The following SLC8A2 variants were observed in gnomAD, a reference collection of about 807,000 sequenced individuals.
SLC8A2 encodes the protein sodium/calcium exchanger 2.
A neutral mutation model predicts 70.2 loss-of-function variants in SLC8A2; 14 were observed. That is an observed-to-expected ratio of 0.20 (90% CI 0.13 to 0.31). The LOEUF (loss-of-function observed/expected upper bound fraction) is 0.31, where lower values mean the gene tolerates loss of function less well. Ranked by LOEUF, SLC8A2 falls within the 10% of genes least tolerant of loss-of-function variation. The probability of loss-of-function intolerance (pLI) is 1.00; values close to 1 mark genes in which losing one functional copy is unlikely to be tolerated. For missense variants in SLC8A2, 779 were observed against 1,320.1 expected, an observed-to-expected ratio of 0.59 and a Z score of 6.35; for synonymous variants, 575 against 594.3, an observed-to-expected ratio of 0.97 and a Z score of 0.47.
At chr19:47,453,032 CA>C (rs1486010119) in intron 3 of SLC8A2, among the ~76,000 whole-genome samples, 2 of 151,930 alleles carry the variant, frequency 1.3e-5, no homozygotes, top group African/African-American at 4.8e-5. Flanking sequence ...GATGCAGTCT[CA>C]AAAAAATAAA....
At chr19:47,440,020 C>T (rs1158762651) in intron 6 of SLC8A2, among the ~76,000 whole-genome samples, 2 of 152,152 alleles carry the variant, frequency 1.3e-5, no homozygotes, top group Non-Finnish European at 2.9e-5. Context: ...TTTGTTATAG[C>T]AGCTTGTATT....
At chr19:47,443,876 T>C (rs961387159) in intron 4 of SLC8A2, among the ~76,000 whole-genome samples, 5 of 152,120 alleles carry the variant, frequency 3.3e-5, no homozygotes, top group Admixed American at 3.3e-4. Context: ...CCGTTCTCTG[T>C]CTCAGTCTCT....
chr19:47,436,477 C>T (rs1264597612), intron 8 of SLC8A2, among the ~76,000 whole-genome samples: 1 of 152,206 alleles, frequency 6.6e-6, no homozygotes, highest in Non-Finnish European at 1.5e-5. Flanking sequence ...TTTGTTTCTA[C>T]TGGGCAAACA....
intron 2 of SLC8A2, among the ~76,000 whole-genome samples, chr19:47,458,766 C>T (rs1210692289): frequency 6.6e-6 from 1 of 151,572 alleles, no homozygotes; most frequent in African/African-American, 2.4e-5. Context: ...TTCTTTTTCT[C>T]TCTCAATACC....
At chr19:47,453,363 G>A (rs1967267423) in intron 3 of SLC8A2, among the ~76,000 whole-genome samples, 3 of 152,202 alleles carry the variant, frequency 2.0e-5, no homozygotes, top group Admixed American at 2.0e-4. Context: ...TTCAACAACT[G>A]TACATGGCAG....
chr19:47,450,861 A>G (rs1247124478), intron 3 of SLC8A2, among the ~76,000 whole-genome samples: 2 of 152,158 alleles, frequency 1.3e-5, no homozygotes, highest in Non-Finnish European at 2.9e-5. Context: ...CTGAATTGAT[A>G]CAGGGGAAGC....
intron 6 of SLC8A2, among the ~76,000 whole-genome samples, chr19:47,440,143 C>G (rs1216246907): frequency 2.0e-5 from 3 of 152,152 alleles, no homozygotes; most frequent in Non-Finnish European, 4.4e-5. Context: ...GACCTTAGCC[C>G]TAACTCTTAC....
chr19:47,450,182 G>A (rs1346322440), intron 3 of SLC8A2, among the ~76,000 whole-genome samples: 1 of 152,080 alleles, frequency 6.6e-6, no homozygotes, highest in Non-Finnish European at 1.5e-5. Context: ...CACCATCTCT[G>A]AACCCTGCTA....
chr19:47,469,325 C>T (rs1029652317), intron 1 of SLC8A2, among the ~76,000 whole-genome samples: 1 of 152,174 alleles, frequency 6.6e-6, no homozygotes, highest in African/African-American at 2.4e-5. Flanking sequence ...CCTTCTCCCT[C>T]CGCCTCCCTG....
At chr19:47,443,517 G>A (rs933884240) in intron 4 of SLC8A2, among the ~76,000 whole-genome samples, 5 of 152,040 alleles carry the variant, frequency 3.3e-5, no homozygotes, top group African/African-American at 9.7e-5. Context: ...CGATCACACC[G>A]CCCACACCCA....
In SLC8A2 at chr19:47,448,705, G is replaced by T. The variant is rs1245975615; in HGVS notation, c.1341-474C>A. On this transcript the variant is annotated intron_variant, in intron 3 of 9. Coordinates refer to ENST00000236877, the MANE Select transcript of SLC8A2 (RefSeq NM_015063.3). This position sits in a 1 kb window ranked among gnomAD's most constrained non-coding sequence, Gnocchi z 4.8. ...TGCAGATTCTGGTTTAGAAGCTCCC[G>T]GGTTTCTAGAATCGCATTTCTAACG... Among the ~76,000 whole-genome samples, 1 of 152,112 alleles carries T rather than the reference G, an allele frequency of 6.6e-6. No homozygotes were observed. Among genetic ancestry groups the T allele is most frequent in the Non-Finnish European group, 1.5e-5 (1 of 68,022 alleles).
At position 47,469,362 on chromosome 19, in the gene SLC8A2, G is replaced by A. The variant is rs531183214; in HGVS notation, c.-17+2427C>T. Among the ~76,000 whole-genome samples the A allele has an allele frequency of 5.3e-5, 8 of 152,230 alleles. No homozygotes were observed. The South Asian group carries it at 1.7e-3, about 32-fold the overall frequency. On this transcript the variant is annotated intron_variant, in intron 1 of 9. Coordinates refer to ENST00000236877, the MANE Select transcript of SLC8A2 (RefSeq NM_015063.3). ...CTTTCAGGAGAAACAGGGGCCAGCC[G>A]GGAGTCAGGAATTCTTCTAAAGCAT...
Position 47,457,152 on chromosome 19 carries a change from G to A in SLC8A2, c.1118C>T (p.Ala373Val). 1.9e-6 allele frequency: 3 copies of A among 1,542,262 alleles called. No homozygotes were observed. The highest frequency in any genetic ancestry group is 2.6e-6 in the Non-Finnish European group (3 of 1,144,042). ...CGGCGCCGCCCTGCGCGAGGCGTCCGCCGCGTGTCTGCGCAGCACGTTCCC... is the reference window on the plus strand; with the variant it reads ...CGGCGCCGCCCTGCGCGAGGCGTCCACCGCGTGTCTGCGCAGCACGTTCCC... Reference protein sequence around the residue: ...GAGNVLRRHAADASRRAAPAE... With the variant: ...GAGNVLRRHAVDASRRAAPAE... Residue 373 changes from alanine to valine, a missense_variant, in exon 3 of 10, where the codon GCG becomes GTG. Around this residue, in one of 6 missense-constraint regions of SLC8A2, gnomAD observed 186 missense variants for 246.6 expected, o/e 0.75. Transcript: ENST00000236877.
At chr19:47,454,582 G>A (rs1967280669) in intron 3 of SLC8A2, among the ~76,000 whole-genome samples, 1 of 152,154 alleles carries the variant, frequency 6.6e-6, no homozygotes, top group African/African-American at 2.4e-5. Flanking sequence ...AGCCCAGGAG[G>A]TGGAGGCTGC....
chr19:47,445,297 C>T (rs995547362), intron 4 of SLC8A2, among the ~76,000 whole-genome samples: 3 of 152,086 alleles, frequency 2.0e-5, no homozygotes, highest in Non-Finnish European at 2.9e-5. Flanking sequence ...TTAGTAGAGA[C>T]GGGGTTTCAT....
Position 47,429,998 on chromosome 19 carries a change from C to CT in SLC8A2, c.*90dup. ...CGAGTCCCAGGAGAGGAGGCCGAGT[C>CT]TGGGGGGAAAAGGAGACCAGGGTCC... On this transcript the variant is annotated 3_prime_UTR_variant, in exon 10 of 10. Coordinates refer to ENST00000236877, the MANE Select transcript of SLC8A2 (RefSeq NM_015063.3). 7.3e-7 allele frequency: 1 copy of CT among 1,367,636 alleles called. No homozygotes were observed. 84.7% of individuals were successfully genotyped at this position (1,367,636 alleles called of 1,614,324 possible). A position where few individuals can be genotyped will look rare whatever the true frequency, so the allele number is the denominator to read the frequency against.
At chr19:47,459,101 C>T (rs1967355901) in intron 2 of SLC8A2, among the ~76,000 whole-genome samples, 1 of 151,528 alleles carries the variant, frequency 6.6e-6, no homozygotes, top group Non-Finnish European at 1.5e-5. Context: ...CTGCCTCTCC[C>T]CATCTCTCTC....
At chr19:47,431,670 A>C (rs796431713) in intron 9 of SLC8A2, among the ~76,000 whole-genome samples, 2 of 139,124 alleles carry the variant, frequency 1.4e-5, no homozygotes, top group East Asian at 2.2e-4. Flanking sequence ...AAAAAAAAAA[A>C]AAAAAAAAAA....
chr19:47,457,793 T>TCC (rs1967330908), intron 2 of SLC8A2, among the ~76,000 whole-genome samples, 199 bp from the exon 3 acceptor site: 1 of 52,016 alleles, frequency 1.9e-5, no homozygotes, highest in African/African-American at 5.7e-5. Flanking sequence ...TTTCTTTTCT[T>TCC]TTCTCTTCCT....
Sources: gnomAD v4.1 joint callset for allele counts (sites outside exome capture counted in the v4.1 genomes callset) on GRCh38, gnomAD v4.1.1 for gene constraint, gnomAD v4.1.1 regional missense constraint, Gnocchi (gnomAD v3.1) non-coding constraint, MANE v1.5 for transcripts, NCBI Gene and HGNC (gene_info 2026-07-23, HGNC 2026-07-21) for gene names.